Variants in NUP214 observed in about 807,000 individuals in gnomAD.
NUP214 encodes the protein nuclear pore complex protein Nup214.
In NUP214, 79 loss-of-function variants were observed where a neutral mutation model predicts 196.2. The ratio of observed to expected loss-of-function variants is 0.40; its 90% confidence interval spans 0.34 to 0.49. NUP214 has a LOEUF of 0.49. Among genes scored for constraint, NUP214 ranks in the 20% least tolerant of loss-of-function variants. The probability of loss-of-function intolerance (pLI) is 0.58; values close to 1 mark genes in which losing one functional copy is unlikely to be tolerated. For missense variants in NUP214, 2,468 were observed against 2,539.0 expected, an observed-to-expected ratio of 0.97 and a Z score of 0.60; for synonymous variants, 1,020 against 990.5, an observed-to-expected ratio of 1.03 and a Z score of -0.56.
At chr9:131,194,746 A>G (rs576635766) in intron 27 of NUP214, among the ~76,000 whole-genome samples, 52 of 152,250 alleles carry the variant, frequency 3.4e-4, no homozygotes, top group Non-Finnish European at 6.2e-4. Flanking sequence ...CATTGTATCC[A>G]TTGTTTTCCC....
At chr9:131,169,024 G>GTTTT (rs539553381) in intron 21 of NUP214, among the ~76,000 whole-genome samples, 2 of 48,936 alleles carry the variant, frequency 4.1e-5, no homozygotes, top group African/African-American at 6.7e-5. Context: ...TGCTTACTTT[G>GTTTT]TTTTTTTTTG....
intron 6 of NUP214, chr9:131,132,864 G>T (rs1831599914): frequency 3.2e-6 from 2 of 618,872 alleles, no homozygotes; most frequent in African/African-American, 3.7e-5. Flanking sequence ...ACATGAAATG[G>T]ATCCCGACTT....
At chr9:131,204,956 A>T (rs906321931) in intron 30 of NUP214, among the ~76,000 whole-genome samples, 5 of 152,224 alleles carry the variant, frequency 3.3e-5, no homozygotes, top group African/African-American at 1.2e-4. Context: ...TTCAGCAATG[A>T]CCATGAAAGC....
intron 21 of NUP214, among the ~76,000 whole-genome samples, chr9:131,172,874 T>TG (rs1193996468): frequency 6.6e-6 from 1 of 152,168 alleles, no homozygotes; most frequent in Non-Finnish European, 1.5e-5. Flanking sequence ...TTAAATAACT[T>TG]GGGGAGGGAA....
chr9:131,188,049 G>A (rs1363105183), intron 25 of NUP214, among the ~76,000 whole-genome samples: 1 of 152,246 alleles, frequency 6.6e-6, no homozygotes, highest in East Asian at 1.9e-4. Context: ...TGGTGAGGCA[G>A]CCTAGGCTTG....
chr9:131,230,574 A>G (rs1834846301), intron 33 of NUP214, 56 bp from the exon 34 acceptor site: 1 of 1,606,354 alleles, frequency 6.2e-7, no homozygotes, highest in Non-Finnish European at 8.5e-7. Flanking sequence ...AGGCTTGCAG[A>G]TGGGCAAGTG....
rs761545258 is a variant in NUP214, at chr9:131,175,478, A to G, written c.3176A>G (p.Lys1059Arg). Reference protein sequence around the residue: ...MGTSVATSASKIIPQGADSTM... With the variant: ...MGTSVATSASRIIPQGADSTM... ...CTCTTAGTGGCTACATCTGCTAGCA[A>G]AATTATTCCTCAAGGGGCCGATAGC... Residue 1059 changes from lysine (K) to arginine (R), a missense_variant, in exon 23 of 36, where the codon AAA becomes AGA. Physicochemically the swap from Lys to Arg is conservative, Grantham distance 26 (BLOSUM62 2). Transcript: ENST00000359428. 4.3e-6 allele frequency: 7 copies of G among 1,614,030 alleles called. No individual in the cohort carries two copies. Among genetic ancestry groups the G allele is most frequent in the Admixed American group, 3.3e-5 (2 of 60,000 alleles).
Position 131,125,857 on chromosome 9 carries a change from G to A in NUP214, c.45+108G>A. 1 of 1,290,672 alleles carries A rather than the reference G, an allele frequency of 7.7e-7. No homozygotes were observed. The highest frequency in any genetic ancestry group is 1.1e-6 in the Non-Finnish European group (1 of 930,102). 80.0% of individuals were successfully genotyped at this position (1,290,672 alleles called of 1,614,324 possible). A position where few individuals can be genotyped will look rare whatever the true frequency, so the allele number is the denominator to read the frequency against. ...GGCTGTCCCGCCTCCTGCTTGAACAGTTTACCGCGTTCACAGCTCTCACCA... is the reference window on the plus strand; with the variant it reads ...GGCTGTCCCGCCTCCTGCTTGAACAATTTACCGCGTTCACAGCTCTCACCA... On this transcript the variant is annotated intron_variant, in intron 1 of 35. Coordinates refer to ENST00000359428, the MANE Select transcript of NUP214 (RefSeq NM_005085.4). This position sits in a 1 kb window ranked among gnomAD's most constrained non-coding sequence, Gnocchi z 4.1.
At chr9:131,165,981 A>G (rs1470151623) in intron 21 of NUP214, among the ~76,000 whole-genome samples, 1 of 152,164 alleles carries the variant, frequency 6.6e-6, no homozygotes, top group Non-Finnish European at 1.5e-5. Context: ...TTATTATTTA[A>G]TGGGTATAGA....
chr9:131,176,548 C>T (rs1389650325), intron 23 of NUP214, among the ~76,000 whole-genome samples: 1 of 152,012 alleles, frequency 6.6e-6, no homozygotes, highest in Admixed American at 6.5e-5. Context: ...AAGCTGGTCT[C>T]AAACTCCTGG....
chr9:131,233,667 G>GT lies in NUP214; in HGVS notation c.*184dup. ...TTACTTGTTTTATATTTCATGTTGG[G>GT]TTTTCCCTCCCACTATTAAACAGTC... On this transcript the variant is annotated 3_prime_UTR_variant, in exon 36 of 36. Coordinates refer to ENST00000359428, the MANE Select transcript of NUP214 (RefSeq NM_005085.4). 1.4e-6 allele frequency: 1 copy of GT among 709,564 alleles called. No individual in the cohort carries two copies. Among genetic ancestry groups the GT allele is most frequent in the South Asian group, 1.5e-5 (1 of 66,842 alleles). The allele number at this position is 709,564 out of a possible 1,614,324, so 44.0% of individuals were successfully genotyped here.
chr9:131,233,733 G>T lies in NUP214; in HGVS notation c.*246G>T. The T allele has an allele frequency of 1.9e-6, 1 of 525,146 alleles. No homozygotes were observed. The highest frequency in any genetic ancestry group is 3.6e-6 in the Non-Finnish European group (1 of 281,676). The allele number at this position is 525,146 out of a possible 1,614,324, so 32.5% of individuals were successfully genotyped here. A position where few individuals can be genotyped will look rare whatever the true frequency, so the allele number is the denominator to read the frequency against. On this transcript the variant is annotated 3_prime_UTR_variant, in exon 36 of 36. Coordinates refer to ENST00000359428, the MANE Select transcript of NUP214 (RefSeq NM_005085.4). ...CGTATGTGGGTTTTTTCAGATCACA[G>T]CCAAGAAGATTGCCCCGTTTCTGTG...
At chr9:131,155,102 C>A (rs1228643192) in intron 17 of NUP214, among the ~76,000 whole-genome samples, 2 of 152,158 alleles carry the variant, frequency 1.3e-5, no homozygotes, top group Non-Finnish European at 2.9e-5. Flanking sequence ...AGTTTACATT[C>A]CCAACAGCAG....
chr9:131,198,348 C>T lies in NUP214; in HGVS notation c.4854C>T (p.Ser1618=), dbSNP rs957518639. 2 of 1,614,140 alleles carry T rather than the reference C, an allele frequency of 1.2e-6. No individual in the cohort carries two copies. Among genetic ancestry groups the T allele is most frequent in the Non-Finnish European group, 1.7e-6 (2 of 1,180,046 alleles). The change falls in exon 29 of 36, where the codon TCC becomes TCT. Residue 1618 remains serine, a synonymous_variant. Transcript: ENST00000359428. ...AAACATCAAGTACCCCCATAGCCTC[C>T]AGCACCACGTCCATTGTTGCTCCCG... The part of the protein sequence containing the change: ...AVETSSTPIA[S]STTSIVAPGP...
rs1834900642 is a variant in NUP214, at chr9:131,232,245, G to A, written c.6215-39G>A. On this transcript the variant is annotated intron_variant, in intron 34 of 35. Coordinates refer to ENST00000359428, the MANE Select transcript of NUP214 (RefSeq NM_005085.4). This position sits in a 1 kb window ranked among gnomAD's most constrained non-coding sequence, Gnocchi z 5.1. ...TGGGGACCACCTTTGTCTTTCGAGT[G>A]GATGCGTGCTTTAACTTCACTCTTA... 1 of 1,613,378 alleles carries A rather than the reference G, an allele frequency of 6.2e-7. No individual in the cohort carries two copies. Among genetic ancestry groups the A allele is most frequent in the Admixed American group, 1.7e-5 (1 of 60,008 alleles).
Position 131,197,272 on chromosome 9 carries a change from G to A in NUP214, c.3778G>A (p.Gly1260Arg), listed in dbSNP as rs1378886820. 2 of 1,614,132 alleles carry A rather than the reference G, an allele frequency of 1.2e-6. No individual in the cohort carries two copies. Among genetic ancestry groups the A allele is most frequent in the South Asian group, 1.1e-5 (1 of 91,082 alleles). Reference protein sequence around the residue: ...SQPDAFSSGGGSKPSYEAIPE... With the variant: ...SQPDAFSSGGRSKPSYEAIPE... Reference sequence around the variant, plus strand: ...GCCGGACGCATTCTCATCTGGTGGGGGAAGCAAACCTTCTTATGAGGCCAT... The same window carrying A: ...GCCGGACGCATTCTCATCTGGTGGGAGAAGCAAACCTTCTTATGAGGCCAT... The change falls in exon 29 of 36, where the codon GGA becomes AGA. Residue 1260 changes from glycine (G) to arginine (R), a missense_variant. Transcript: ENST00000359428.
intron 25 of NUP214, 118 bp downstream of exon 25, chr9:131,187,482 G>A (rs1833487407): frequency 4.3e-6 from 3 of 704,142 alleles, no homozygotes; most frequent in Non-Finnish European, 7.1e-6. Flanking sequence ...TGCCTCCTGG[G>A]TTCAAGTGAT....
intron 14 of NUP214, among the ~76,000 whole-genome samples, chr9:131,148,399 T>C (rs1832147092): frequency 6.6e-6 from 1 of 152,242 alleles, no homozygotes; most frequent in Non-Finnish European, 1.5e-5. Flanking sequence ...GTTTAAGCCA[T>C]TGTATGTAGC....
At chr9:131,158,771 G>T (rs1341704814) in intron 17 of NUP214, among the ~76,000 whole-genome samples, 1 of 152,114 alleles carries the variant, frequency 6.6e-6, no homozygotes, top group Non-Finnish European at 1.5e-5. Flanking sequence ...TGTTCCCTGG[G>T]GGCCTAGGCA....
Sources: gnomAD v4.1 joint callset for allele counts (sites outside exome capture counted in the v4.1 genomes callset) on GRCh38, gnomAD v4.1.1 for gene constraint, Gnocchi (gnomAD v3.1) non-coding constraint, MANE v1.5 for transcripts, NCBI Gene and HGNC (gene_info 2026-07-23, HGNC 2026-07-21) for gene names.